Variants in RORA observed in about 807,000 individuals in gnomAD.
RORA encodes the protein nuclear receptor ROR-alpha.
A neutral mutation model predicts 69.5 loss-of-function variants in RORA; 7 were observed. The observed-to-expected ratio is 0.10, with a 90% CI of 0.06 to 0.19. The LOEUF is 0.19. Ranked by LOEUF, RORA falls within the 10% of genes least tolerant of loss-of-function variation. RORA has a pLI of 1.00. For synonymous variants in RORA, 261 were observed against 240.8 expected, an observed-to-expected ratio of 1.08 and a Z score of -0.78; for missense variants, 457 against 663.0, an observed-to-expected ratio of 0.69 and a Z score of 3.41.
chr15:61,087,870 CT>C (rs1490789572), intron 1 of RORA, among the ~76,000 whole-genome samples: 2 of 152,124 alleles, frequency 1.3e-5, no homozygotes. Context: ...TTCTTTAAAC[CT>C]TTTGCTTTTG....
At chr15:60,786,751 GC>G (rs1321553132) in intron 1 of RORA, among the ~76,000 whole-genome samples, 7 of 152,224 alleles carry the variant, frequency 4.6e-5, no homozygotes, top group African/African-American at 1.7e-4. Context: ...GCCCTGTCTT[GC>G]CTGGGACTGG....
chr15:60,986,378 C>G (rs1234126028), intron 1 of RORA, among the ~76,000 whole-genome samples: 1 of 152,222 alleles, frequency 6.6e-6, no homozygotes, highest in Non-Finnish European at 1.5e-5. Context: ...CAGCTAACTT[C>G]TAATCCAACA....
At chr15:60,948,576 C>T (rs1452282347) in intron 1 of RORA, among the ~76,000 whole-genome samples, 2 of 152,268 alleles carry the variant, frequency 1.3e-5, no homozygotes, top group Middle Eastern at 3.4e-3. Flanking sequence ...ACATGAGCAA[C>T]CTCATCTAAC....
chr15:60,522,987 G>A (rs545617679), intron 3 of RORA, among the ~76,000 whole-genome samples: 13 of 146,786 alleles, frequency 8.9e-5, no homozygotes, highest in African/African-American at 2.8e-4. Flanking sequence ...GCAGTGAGCC[G>A]AGATCACACC....
intron 1 of RORA, among the ~76,000 whole-genome samples, chr15:61,073,371 T>A (rs766403325): frequency 3.3e-5 from 5 of 150,918 alleles, no homozygotes; most frequent in South Asian, 2.1e-4. Context: ...CCATGTGGGA[T>A]CCTTAGTAGC....
chr15:61,134,870 T>TAC (rs1216621592), intron 1 of RORA, among the ~76,000 whole-genome samples: 1 of 152,136 alleles, frequency 6.6e-6, no homozygotes, highest in African/African-American at 2.4e-5. Context: ...TTCTACTTAC[T>TAC]ACCGCCTATA....
chr15:60,618,545 T>G (rs1408600525), intron 2 of RORA, among the ~76,000 whole-genome samples: 1 of 152,092 alleles, frequency 6.6e-6, no homozygotes, highest in Non-Finnish European at 1.5e-5. Flanking sequence ...CCTACCAAAT[T>G]TCAACTCACT....
At chr15:60,615,312 A>G (rs2069207874) in intron 2 of RORA, among the ~76,000 whole-genome samples, 1 of 152,186 alleles carries the variant, frequency 6.6e-6, no homozygotes, top group Admixed American at 6.5e-5. Flanking sequence ...AGTGCTTCTA[A>G]GTCCTGAAGG....
At chr15:60,777,138 G>C (rs959856979) in intron 1 of RORA, among the ~76,000 whole-genome samples, 1 of 152,124 alleles carries the variant, frequency 6.6e-6, no homozygotes, top group African/African-American at 2.4e-5. Flanking sequence ...CCTTTAAGAC[G>C]AGCAAAAACA....
At position 61,048,285 on chromosome 15, in the gene RORA, C is replaced by A. The variant is rs191568108; in HGVS notation, c.166+180768G>T. 2.0e-4 allele frequency among the ~76,000 whole-genome samples: 30 copies of A among 152,266 alleles called. 1 individual carries two copies. Among genetic ancestry groups the A allele is most frequent in the African/African-American group, 5.3e-4 (22 of 41,554 alleles). ...CTTTGATAACTTGTTCCTAGGTTAT[C>A]CAGTTCTGCTTACCTGAGTACCCAC... On this transcript the variant is annotated intron_variant, in intron 1 of 10. Coordinates refer to ENST00000335670, the MANE Select transcript of RORA (RefSeq NM_134261.3).
intron 2 of RORA, among the ~76,000 whole-genome samples, chr15:60,582,024 T>C (rs1384154595): frequency 6.6e-6 from 1 of 152,198 alleles, no homozygotes; most frequent in Non-Finnish European, 1.5e-5. Context: ...GGCTACTCCA[T>C]GGTTTCCATT....
At chr15:61,218,473 AAC>A (rs1272335704) in intron 1 of RORA, among the ~76,000 whole-genome samples, 2 of 152,190 alleles carry the variant, frequency 1.3e-5, no homozygotes, top group Non-Finnish European at 2.9e-5. Flanking sequence ...CAAGTTTCAC[AAC>A]ACACAGTCTT....
At chr15:61,178,696 ATTCT>A (rs529367843) in intron 1 of RORA, among the ~76,000 whole-genome samples, 147 of 152,288 alleles carry the variant, frequency 9.7e-4, no homozygotes, top group African/African-American at 3.4e-3. Flanking sequence ...AAATCATGCA[ATTCT>A]TTCAATATAT....
Position 60,668,246 on chromosome 15 carries a change from C to T in RORA, c.196+10411G>A, listed in dbSNP as rs142712140. On this transcript the variant is annotated intron_variant, in intron 2 of 10. Transcript: ENST00000335670. ...ATAATGCCTTGCACAATGTTTGAAG[C>T]GACATAATCAGCCGGAGAGGGACTT... Among the ~76,000 whole-genome samples, 10 of 152,182 alleles carry T rather than the reference C, an allele frequency of 6.6e-5. No individual in the cohort carries two copies. The East Asian group carries it at 9.6e-4, about 15-fold the overall frequency.
chr15:60,616,028 C>A (rs2069231999), intron 2 of RORA, among the ~76,000 whole-genome samples: 4 of 152,076 alleles, frequency 2.6e-5, no homozygotes, highest in Non-Finnish European at 1.5e-5. Flanking sequence ...AGCAAATGCA[C>A]CTCTATTGGA....
At chr15:60,976,655 G>C (rs1378688314) in intron 1 of RORA, among the ~76,000 whole-genome samples, 1 of 152,142 alleles carries the variant, frequency 6.6e-6, no homozygotes, top group Non-Finnish European at 1.5e-5. Context: ...AGATGCAAAA[G>C]ACAGGGAAGG....
At chr15:61,205,380 C>T (rs1336229020) in intron 1 of RORA, among the ~76,000 whole-genome samples, 1 of 152,182 alleles carries the variant, frequency 6.6e-6, no homozygotes, top group African/African-American at 2.4e-5. Context: ...CTGCATCTTT[C>T]GTATTCACAG....
intron 1 of RORA, among the ~76,000 whole-genome samples, chr15:60,757,409 TAC>T (rs1315518678): frequency 6.6e-6 from 1 of 152,208 alleles, no homozygotes; most frequent in Non-Finnish European, 1.5e-5. Context: ...GCTGCCACCT[TAC>T]ACAGTCAAAC....
chr15:60,556,823 T>G, intron 2 of RORA: 1 of 1,544,248 alleles, frequency 6.5e-7, no homozygotes, highest in Non-Finnish European at 8.9e-7. Context: ...TGAAGAAACC[T>G]TGCAAATTAC....
Sources: allele counts gnomAD v4.1 joint callset (sites outside exome capture counted in the v4.1 genomes callset), GRCh38; gene constraint gnomAD v4.1.1; transcripts MANE v1.5; gene names NCBI Gene and HGNC (gene_info 2026-07-23, HGNC 2026-07-21).